PPARGC1A: variants seen among roughly 807,000 people sequenced by gnomAD.
PPARGC1A encodes the protein peroxisome proliferator-activated receptor gamma coactivator 1-alpha.
A neutral mutation model predicts 88.7 loss-of-function variants in PPARGC1A; 25 were observed. The ratio of observed to expected loss-of-function variants is 0.28; its 90% CI spans 0.21 to 0.39. The LOEUF is 0.39. PPARGC1A is among the 10% of genes least tolerant of loss of function. The pLI is 1.00. For synonymous variants in PPARGC1A, 363 were observed against 355.6 expected (o/e 1.02, Z -0.24); for missense variants, 880 against 968.7 (o/e 0.91, Z 1.22).
the PPARGC1A span, among the ~76,000 whole-genome samples, chr4:24,101,697 A>G: frequency 1.3e-5 from 2 of 152,264 alleles, no homozygotes; most frequent in African/African-American, 4.8e-5. Context: ...TCTGAAACTG[A>G]CATCATAGAT....
the PPARGC1A span, among the ~76,000 whole-genome samples, chr4:24,263,728 A>G: frequency 1.4e-4 from 22 of 152,230 alleles, no homozygotes; most frequent in African/African-American, 4.6e-4. Flanking sequence ...CTTAATGAAT[A>G]GTAAAGATAT....
the PPARGC1A span, among the ~76,000 whole-genome samples, chr4:24,275,205 G>A: frequency 6.5e-5 from 7 of 107,648 alleles, no homozygotes; most frequent in Admixed American, 4.2e-4. Context: ...AAGTAAGTAG[G>A]AGCGTGCTAT....
chr4:24,455,980 T>C, the PPARGC1A span, among the ~76,000 whole-genome samples: 2 of 152,352 alleles, frequency 1.3e-5, no homozygotes, highest in East Asian at 3.9e-4. Flanking sequence ...TTAGACACTA[T>C]CTGCCTCTTT....
chr4:24,330,965 C>G, the PPARGC1A span, among the ~76,000 whole-genome samples: 1 of 152,190 alleles, frequency 6.6e-6, no homozygotes, highest in South Asian at 2.1e-4. Context: ...ATCATGATCC[C>G]CTCTCTGAAT....
chr4:24,463,503 C>T, the PPARGC1A span, among the ~76,000 whole-genome samples: 1 of 152,186 alleles, frequency 6.6e-6, no homozygotes, highest in African/African-American at 2.4e-5. Flanking sequence ...TCAAAAATGA[C>T]ATTGCGGAAC....
At chr4:23,897,024 G>A (rs1718682028) in intron 1 of PPARGC1A, among the ~76,000 whole-genome samples, 1 of 152,186 alleles carries the variant, frequency 6.6e-6, no homozygotes, top group South Asian at 2.1e-4. Context: ...CCCCGTGCTT[G>A]GGCAGAAAGC....
At chr4:24,298,563 C>T in the PPARGC1A span, among the ~76,000 whole-genome samples, 2 of 152,110 alleles carry the variant, frequency 1.3e-5, no homozygotes, top group East Asian at 1.9e-4. Context: ...GTTACTGCAG[C>T]GTAACCTACT....
At chr4:24,258,859 C>T in the PPARGC1A span, among the ~76,000 whole-genome samples, 1 of 152,166 alleles carries the variant, frequency 6.6e-6, no homozygotes, top group Non-Finnish European at 1.5e-5. Context: ...ACCATTTATT[C>T]ATGCATTGAA....
the PPARGC1A span, among the ~76,000 whole-genome samples, chr4:24,105,111 G>C: frequency 6.6e-6 from 1 of 152,126 alleles, no homozygotes; most frequent in Non-Finnish European, 1.5e-5. Context: ...AATATGCCTC[G>C]AGTCACACAC....
the PPARGC1A span, among the ~76,000 whole-genome samples, chr4:24,371,234 A>G: frequency 6.6e-6 from 1 of 152,316 alleles, no homozygotes; most frequent in Non-Finnish European, 1.5e-5. Context: ...TAGTGCTGCA[A>G]TAAACATACA....
At chr4:24,331,629 C>G in the PPARGC1A span, among the ~76,000 whole-genome samples, 1 of 152,074 alleles carries the variant, frequency 6.6e-6, no homozygotes, top group Non-Finnish European at 1.5e-5. Context: ...ATAAGATCTG[C>G]CACCATGGAG....
At chr4:24,351,229 T>A in the PPARGC1A span, among the ~76,000 whole-genome samples, 5 of 6,110 alleles carry the variant, frequency 8.2e-4, no homozygotes, top group Middle Eastern at 0.056. Flanking sequence ...AACCCTTGTA[T>A]TTAAAAAAAA....
intron 5 of PPARGC1A, 76 bp from the exon 6 acceptor site, chr4:23,824,584 G>A: frequency 7.8e-7 from 1 of 1,285,320 alleles, no homozygotes; most frequent in Non-Finnish European, 1.1e-6. Flanking sequence ...CAACAGTCAA[G>A]TTGGAAAAAC....
chr4:23,891,975 A>G (rs1323120579), upstream of PPARGC1A, among the ~76,000 whole-genome samples: 1 of 152,190 alleles, frequency 6.6e-6, no homozygotes, highest in Non-Finnish European at 1.5e-5. Flanking sequence ...GTGAAATAAT[A>G]TTGGTCACCT....
At chr4:23,833,411 T>C (rs999254720) in intron 2 of PPARGC1A, among the ~76,000 whole-genome samples, 5 of 152,236 alleles carry the variant, frequency 3.3e-5, no homozygotes, top group Non-Finnish European at 7.3e-5. Flanking sequence ...TTCCAAAATC[T>C]TCTTTTGAAA....
the PPARGC1A span, among the ~76,000 whole-genome samples, chr4:24,146,589 T>C: frequency 6.6e-6 from 1 of 152,222 alleles, no homozygotes; most frequent in African/African-American, 2.4e-5. Flanking sequence ...AAAGATCCAA[T>C]CTGCATCAGC....
At chr4:24,034,618 G>C in the PPARGC1A span, among the ~76,000 whole-genome samples, 1 of 152,266 alleles carries the variant, frequency 6.6e-6, no homozygotes, top group South Asian at 2.1e-4. Flanking sequence ...AAGCAAGACT[G>C]ACCATGAATT....
the PPARGC1A span, among the ~76,000 whole-genome samples, chr4:24,407,051 C>T: frequency 2.6e-5 from 4 of 152,132 alleles, no homozygotes; most frequent in African/African-American, 7.2e-5. Context: ...TAGATACATA[C>T]CAGGCACCAC....
At chr4:24,133,319 C>G in the PPARGC1A span, among the ~76,000 whole-genome samples, 1 of 152,202 alleles carries the variant, frequency 6.6e-6, no homozygotes, top group Non-Finnish European at 1.5e-5. Flanking sequence ...CAAAAACCAG[C>G]AGATGAATAC....
Sources: allele counts gnomAD v4.1 joint callset (sites outside exome capture counted in the v4.1 genomes callset), GRCh38; gene constraint gnomAD v4.1.1; transcripts MANE v1.5; gene names NCBI Gene and HGNC (gene_info 2026-07-23, HGNC 2026-07-21).